FNDC1: variants seen among roughly 807,000 people sequenced by gnomAD.
The protein encoded by FNDC1 is fibronectin type III domain-containing protein 1.
In FNDC1, 96 loss-of-function variants were observed where a neutral mutation model predicts 168.0. That is an observed-to-expected ratio of 0.57 (90% CI 0.48 to 0.68). The LOEUF (loss-of-function observed/expected upper bound fraction) is 0.68. FNDC1 is among the 30% of genes least tolerant of loss of function. The pLI is 0.00. For synonymous variants in FNDC1, 1,099 were observed against 1,025.9 expected (o/e 1.07, Z -1.36); for missense variants, 2,587 against 2,482.1 (o/e 1.04, Z -0.90).
chr6:159,194,566 C>G (rs1782205178), intron 1 of FNDC1, among the ~76,000 whole-genome samples: 2 of 152,198 alleles, frequency 1.3e-5, no homozygotes, highest in Non-Finnish European at 2.9e-5. Flanking sequence ...TAACACAGAA[C>G]TCAGAATGCA....
chr6:159,183,104 T>G (rs1781917608), intron 1 of FNDC1, among the ~76,000 whole-genome samples: 1 of 152,062 alleles, frequency 6.6e-6, no homozygotes, highest in Non-Finnish European at 1.5e-5. Flanking sequence ...ATGTGTGGAG[T>G]GTTTTATGAT....
intron 16 of FNDC1, among the ~76,000 whole-genome samples, chr6:159,249,606 C>A (rs1232532788): frequency 1.3e-5 from 2 of 152,226 alleles, no homozygotes. Flanking sequence ...CCTATAATGT[C>A]ATGAAGGGGA....
At chr6:159,199,900 C>G in intron 2 of FNDC1, 96 bp from the exon 3 acceptor site, 1 of 1,001,388 alleles carries the variant, frequency 1.0e-6, no homozygotes, top group Non-Finnish European at 1.5e-6. Context: ...TTGGTTATAA[C>G]TGGTATAAGG....
intron 5 of FNDC1, among the ~76,000 whole-genome samples, chr6:159,220,981 G>A (rs1235683365): frequency 6.6e-6 from 1 of 152,156 alleles, no homozygotes; most frequent in African/African-American, 2.4e-5. Flanking sequence ...ACCCTCGGAG[G>A]GTGCGGGCAA....
intron 1 of FNDC1, among the ~76,000 whole-genome samples, chr6:159,172,823 T>C (rs912141941): frequency 1.3e-5 from 2 of 152,244 alleles, no homozygotes; most frequent in African/African-American, 4.8e-5. Flanking sequence ...GAAATAGTTG[T>C]CCAGCTACAC....
rs774859560 is a variant in FNDC1, at chr6:159,267,848, C to A, written c.5491C>A (p.His1831Asn). ...IGDSWGRGED[H>N]CQFVDSHLDG... ...AGACAGCTGGGGAAGAGGTGAAGAC[C>A]ATTGCCAATTTGTGGATTCACACCT... The change falls in exon 22 of 23, where the codon CAT (histidine) becomes AAT (asparagine). Residue 1831 changes from histidine (H) to asparagine (N), a missense_variant. Transcript: ENST00000297267. 3.7e-6 allele frequency: 6 copies of A among 1,613,598 alleles called. No homozygotes were observed. The East Asian group carries it at 1.1e-4, about 30-fold the overall frequency.
chr6:159,247,157 T>C (rs1405306651), intron 15 of FNDC1, among the ~76,000 whole-genome samples, 188 bp downstream of exon 15: 3 of 152,138 alleles, frequency 2.0e-5, no homozygotes, highest in African/African-American at 7.2e-5. Flanking sequence ...AAATGCATAT[T>C]TGATCTAAGA....
rs887231284 is a variant in FNDC1 at position 159,271,536 on chromosome 6, C to G, written c.*94C>G. The G allele has an allele frequency of 1.7e-5, 15 of 906,174 alleles. No individual in the cohort carries two copies. Among genetic ancestry groups the G allele is most frequent in the African/African-American group, 8.3e-5 (5 of 60,476 alleles). The allele number at this position is 906,174 out of a possible 1,614,324, so 56.1% of individuals were successfully genotyped here. Reference sequence around the variant, plus strand: ...AGCAAAGACAGCCAGCGTGCTCAGCCCCGCTGCCCTAGGTGCCAGGAAGGT... The same window carrying G: ...AGCAAAGACAGCCAGCGTGCTCAGCGCCGCTGCCCTAGGTGCCAGGAAGGT... On this transcript the variant is annotated 3_prime_UTR_variant, in exon 23 of 23. Transcript: ENST00000297267.
chr6:159,225,798 T>G, intron 8 of FNDC1, 76 bp downstream of exon 8: 1 of 1,334,410 alleles, frequency 7.5e-7, no homozygotes, highest in Non-Finnish European at 1.0e-6. Flanking sequence ...CAATGTAAGA[T>G]GCCAATAGTG....
rs368786170 is a variant in FNDC1 at position 159,232,582 on chromosome 6, C to A, written c.2070C>A (p.Gly690=). The A allele has an allele frequency of 6.2e-7, 1 of 1,608,962 alleles. No individual in the cohort carries two copies. Among genetic ancestry groups the A allele is most frequent in the African/African-American group, 1.3e-5 (1 of 74,978 alleles). The part of the protein sequence containing the change: ...VLRDRSSVHP[G]AKPASPARRT... ...GCGACAGAAGCTCTGTGCACCCCGG[C>A]GCAAAGCCAGCCTCGCCGGCCCGGA... The change falls in exon 11 of 23, where the codon GGC becomes GGA. Residue 690 remains glycine, a synonymous_variant. Coordinates refer to ENST00000297267, the MANE Select transcript of FNDC1 (RefSeq NM_032532.3). This position sits in a 1 kb window ranked among gnomAD's most constrained non-coding sequence, Gnocchi z 4.9.
At chr6:159,176,642 G>A (rs534828430) in intron 1 of FNDC1, among the ~76,000 whole-genome samples, 6 of 152,314 alleles carry the variant, frequency 3.9e-5, no homozygotes, top group African/African-American at 7.2e-5. Context: ...GGTGGCATTC[G>A]GGGTTGGAGG....
At chr6:159,243,629 C>T (rs1783477815) in intron 14 of FNDC1, among the ~76,000 whole-genome samples, 1 of 152,136 alleles carries the variant, frequency 6.6e-6, no homozygotes, top group South Asian at 2.1e-4. Context: ...GAGGCTGAAG[C>T]TTTTCACATT....
At chr6:159,265,478 G>T (rs578208575) in intron 20 of FNDC1, among the ~76,000 whole-genome samples, 1 of 152,282 alleles carries the variant, frequency 6.6e-6, no homozygotes, top group South Asian at 2.1e-4. Flanking sequence ...TGCCATTACA[G>T]CTTATTTTCC....
intron 1 of FNDC1, among the ~76,000 whole-genome samples, chr6:159,176,203 T>C (rs2114917418): frequency 6.6e-6 from 1 of 152,304 alleles, no homozygotes; most frequent in South Asian, 2.1e-4. Context: ...AGCAAGGGGA[T>C]TGACCTAGAT....
At position 159,249,781 on chromosome 6, in the gene FNDC1, A is replaced by T. The variant is rs140981624; in HGVS notation, c.4834+599A>T. Among the ~76,000 whole-genome samples, 700 of 152,356 alleles carry T rather than the reference A, an allele frequency of 4.6e-3. 10 individuals are homozygous for T. The highest frequency in any genetic ancestry group is 0.016 in the African/African-American group (665 of 41,588). On this transcript the variant is annotated intron_variant, in intron 16 of 22. Transcript: ENST00000297267. ...GCAAGTCTTCTTTTCCCATGCCCTT[A>T]ATGAACCTCATTAATGAGACAGCTG...
At position 159,261,189 on chromosome 6, in the gene FNDC1, G is replaced by C. The variant is rs1777476381; in HGVS notation, c.5175-1G>C. On this transcript the variant is annotated splice_acceptor_variant, in intron 18 of 22. Coordinates refer to ENST00000297267, the MANE Select transcript of FNDC1 (RefSeq NM_032532.3). LOFTEE classifies it high-confidence loss of function. ...CAAAATATATCTTCTTCCAACTTCA[G>C]GTATTATTTTAAAGTGCAAGCACAA... The C allele has an allele frequency of 6.2e-7, 1 of 1,605,368 alleles. No homozygotes were observed. The highest frequency in any genetic ancestry group is 8.5e-7 in the Non-Finnish European group (1 of 1,174,894).
At chr6:159,178,927 G>T (rs539768466) in intron 1 of FNDC1, among the ~76,000 whole-genome samples, 2 of 152,078 alleles carry the variant, frequency 1.3e-5, no homozygotes, top group South Asian at 4.2e-4. Flanking sequence ...AGCAATTCTC[G>T]TGATGCACAA....
At chr6:159,217,738 A>G (rs1254967844) in intron 5 of FNDC1, among the ~76,000 whole-genome samples, 1 of 152,218 alleles carries the variant, frequency 6.6e-6, no homozygotes, top group Admixed American at 6.5e-5. Flanking sequence ...CGTCAAAGCC[A>G]GCCCAGCGTA....
chr6:159,214,868 C>G, intron 4 of FNDC1, 77 bp from the exon 5 acceptor site: 1 of 1,271,528 alleles, frequency 7.9e-7, no homozygotes, highest in Non-Finnish European at 1.1e-6. Flanking sequence ...GGCTCAGGGT[C>G]TGAAGACCTC....
Sources: gnomAD v4.1 joint callset for allele counts (sites outside exome capture counted in the v4.1 genomes callset) on GRCh38, gnomAD v4.1.1 for gene constraint, Gnocchi (gnomAD v3.1) non-coding constraint, MANE v1.5 for transcripts, NCBI Gene and HGNC (gene_info 2026-07-23, HGNC 2026-07-21) for gene names.